The following NCAPG variants were observed in gnomAD, a reference collection of about 807,000 sequenced individuals.
NCAPG encodes non-SMC condensin I complex subunit G.
NCAPG carries 69 observed loss-of-function variants against 113.1 expected under a neutral mutation model. That is an observed-to-expected ratio of 0.61 (90% CI 0.50 to 0.75). NCAPG has a LOEUF of 0.75. Ranked by LOEUF, NCAPG falls within the 30% of genes least tolerant of loss-of-function variation. The pLI is 0.00. For synonymous variants in NCAPG, 370 were observed against 415.8 expected, an observed-to-expected ratio of 0.89 and a Z score of 1.34; for missense variants, 1,058 against 1,177.0, an observed-to-expected ratio of 0.90 and a Z score of 1.48.
In NCAPG at chr4:17,833,485, T is replaced by TTTTGTTG. The variant is rs1560230449; in HGVS notation, c.1885-812_1885-811insTGTTGTT. On this transcript the variant is annotated intron_variant, in intron 13 of 20. Coordinates refer to ENST00000251496, the MANE Select transcript of NCAPG (RefSeq NM_022346.5). ...AAAAAAAAAAATATATATATATATT[T>TTTTGTTG]TTGTTGTTGTTGTTGTTGTTGTTGT... Among the ~76,000 whole-genome samples, 669 of 148,412 alleles carry TTTTGTTG rather than the reference T, an allele frequency of 4.5e-3. 1 individual carries two copies. The highest frequency in any genetic ancestry group is 0.016 in the African/African-American group (628 of 39,404).
Position 17,817,968 on chromosome 4 carries a change from C to T in NCAPG, c.998C>T (p.Pro333Leu), listed in dbSNP as rs1211520344. The change falls in exon 7 of 21, where the codon CCT (proline) becomes CTT (leucine). Residue 333 changes from proline (P) to leucine (L), a missense_variant. Pro to Leu is a moderately conservative substitution (Grantham distance 98). Coordinates refer to ENST00000251496, the MANE Select transcript of NCAPG (RefSeq NM_022346.5). The stretch of plus-strand genomic sequence containing the variant: ...TTGATTCCAGTGGAAACATTAACTC[C>T]TGAAATTGCTTTGTATTGGTGTGCC... The part of the protein sequence containing the change: ...RKLIPVETLT[P>L]EIALYWCALC... The T allele has an allele frequency of 3.1e-6, 5 of 1,603,506 alleles. No homozygotes were observed. The Admixed American group carries it at 7.0e-5, about 22-fold the overall frequency.
chr4:17,840,472 G>A, intron 18 of NCAPG, 135 bp from the exon 19 acceptor site: 1 of 610,412 alleles, frequency 1.6e-6, no homozygotes, highest in Non-Finnish European at 2.5e-6. Flanking sequence ...TTTTCGAAAG[G>A]GTGATTTATA....
intron 3 of NCAPG, among the ~76,000 whole-genome samples, chr4:17,813,564 T>G (rs1367733662): frequency 6.6e-6 from 1 of 152,210 alleles, no homozygotes; most frequent in Non-Finnish European, 1.5e-5. Context: ...GTTTTTAATT[T>G]AAAATACTAT....
At chr4:17,825,674 A>G in intron 11 of NCAPG, 113 bp downstream of exon 11, 1 of 899,596 alleles carries the variant, frequency 1.1e-6, no homozygotes, top group Non-Finnish European at 1.6e-6. Flanking sequence ...AGCACTTTGT[A>G]ATAGTGACAT....
At position 17,810,993 on chromosome 4, in the gene NCAPG, C is replaced by A; in HGVS notation, c.-85C>A. The A allele has an allele frequency of 2.6e-6, 2 of 765,448 alleles. No individual in the cohort carries two copies. Among genetic ancestry groups the A allele is most frequent in the Non-Finnish European group, 4.0e-6 (2 of 498,578 alleles). 47.4% of individuals were successfully genotyped at this position (765,448 alleles called of 1,614,324 possible). On this transcript the variant is annotated 5_prime_UTR_variant, in exon 1 of 21. Transcript: ENST00000251496. ...TCCCTGGGGCTGTCATAGAAGACTA[C>A]TCGGAGAGCGCTGCCTCTGGGTTGG...
At chr4:17,812,527 T>C (rs935729821) in intron 2 of NCAPG, 103 bp downstream of exon 2, 8 of 829,492 alleles carry the variant, frequency 9.6e-6, no homozygotes, top group Non-Finnish European at 1.3e-5. Context: ...TATCTAGTGA[T>C]TGAAAAAACC....
chr4:17,815,941 C>G (rs960815545), intron 5 of NCAPG, among the ~76,000 whole-genome samples: 22 of 151,998 alleles, frequency 1.4e-4, no homozygotes, highest in African/African-American at 5.3e-4. Flanking sequence ...AGGAAAAGAT[C>G]TATTTGCCCT....
chr4:17,821,666 G>A (rs2109049692), intron 7 of NCAPG, among the ~76,000 whole-genome samples: 1 of 152,024 alleles, frequency 6.6e-6, no homozygotes, highest in South Asian at 2.1e-4. Flanking sequence ...GTTTTACCAT[G>A]TTGGTTAGGC....
At position 17,837,354 on chromosome 4, in the gene NCAPG, C is replaced by T; in HGVS notation, c.2291+14C>T. 6.3e-7 allele frequency: 1 copy of T among 1,586,622 alleles called. No individual in the cohort carries two copies. The highest frequency in any genetic ancestry group is 1.2e-5 in the South Asian group (1 of 86,776). On this transcript the variant is annotated intron_variant, in intron 15 of 20. Transcript: ENST00000251496. Reference sequence around the variant, plus strand: ...TTATGCAAGCAGGTATTGAGTCATACTGATAAATCAAAAATCTGACTTGAC... The same window carrying T: ...TTATGCAAGCAGGTATTGAGTCATATTGATAAATCAAAAATCTGACTTGAC...
rs199947877 is a variant in NCAPG at position 17,840,086 on chromosome 4, A to G, written c.2644A>G (p.Thr882Ala). 3.7e-5 allele frequency: 60 copies of G among 1,605,076 alleles called. 1 individual carries two copies. The highest frequency in any genetic ancestry group is 2.6e-4 in the Admixed American group (15 of 57,872). Residue 882 changes from threonine to alanine, a missense_variant, in exon 18 of 21, where the codon ACA becomes GCA. Physicochemically the swap from Thr to Ala is moderately conservative, Grantham distance 58. Transcript: ENST00000251496. ...NEILEQVKDR[T>A]CLRALEKIKI... is the part of the protein sequence containing the mutation. ...TCTTTTATAGCAAGTAAAAGATAGG[A>G]CATGTCTGAGAGCTTTGGAGAAAAT...
Position 17,843,289 on chromosome 4 carries a change from A to G in NCAPG, c.2925-13A>G. On this transcript the variant is annotated splice_polypyrimidine_tract_variant and intron_variant, in intron 20 of 20. Transcript: ENST00000251496. ...CTTGTATCTAAATTCGTGTATTTTC[A>G]ACATCTATTTAGTGATCATGAAGTT... 1 of 1,602,364 alleles carries G rather than the reference A, an allele frequency of 6.2e-7. No homozygotes were observed. Among genetic ancestry groups the G allele is most frequent in the Non-Finnish European group, 8.5e-7 (1 of 1,174,964 alleles).
chr4:17,829,650 G>A (rs1225464461), intron 12 of NCAPG, among the ~76,000 whole-genome samples: 2 of 152,132 alleles, frequency 1.3e-5, no homozygotes, highest in African/African-American at 4.8e-5. Context: ...ATTAGTAGAG[G>A]AATATAAAAG....
chr4:17,834,461 G>A lies in NCAPG; in HGVS notation c.2047G>A (p.Val683Ile). ...NSDDEQESKE[V>I]EETATAKNVL... is the part of the protein sequence containing the mutation. ...TGATGATGAGCAAGAATCAAAAGAA[G>A]TTGAAGAGACTGCTACAGCTAAGAA... Residue 683 changes from valine (V) to isoleucine (I), a missense_variant, in exon 14 of 21, where the codon GTT (valine) becomes ATT (isoleucine). Physicochemically the swap from Val to Ile is conservative, Grantham distance 29. Transcript: ENST00000251496. 1 of 1,610,428 alleles carries A rather than the reference G, an allele frequency of 6.2e-7. No homozygotes were observed. The highest frequency in any genetic ancestry group is 8.5e-7 in the Non-Finnish European group (1 of 1,178,200).
In NCAPG at chr4:17,811,155, G is replaced by T. The variant is rs1457775790; in HGVS notation, c.78G>T (p.Lys26Asn). The T allele has an allele frequency of 1.3e-6, 2 of 1,515,864 alleles. No homozygotes were observed. The highest frequency in any genetic ancestry group is 2.5e-5 in the South Asian group (2 of 80,852). The allele number at this position is 1,515,864 out of a possible 1,614,324, so 93.9% of individuals were successfully genotyped here. A position where few individuals can be genotyped will look rare whatever the true frequency, so the allele number is the denominator to read the frequency against. Residue 26 changes from lysine (K) to asparagine (N), a missense_variant, in exon 1 of 21, where the codon AAG becomes AAT. Coordinates refer to ENST00000251496, the MANE Select transcript of NCAPG (RefSeq NM_022346.5). This position sits in a 1 kb window ranked among gnomAD's most constrained non-coding sequence, Gnocchi z 5.3. ...AGCAGCCGCACCAGAACCAGGCGAAGCTGGTGGTGGCGCTGAGCCGCACCT... is the reference window on the plus strand; with the variant it reads ...AGCAGCCGCACCAGAACCAGGCGAATCTGGTGGTGGCGCTGAGCCGCACCT... ...LAQQPHQNQA[K>N]LVVALSRTYR...
Position 17,842,081 on chromosome 4 carries a change from T to A in NCAPG, c.2855-229T>A, listed in dbSNP as rs138213048. 1,752 of 415,680 alleles carry A rather than the reference T, an allele frequency of 4.2e-3. 13 individuals are homozygous for A. Among genetic ancestry groups the A allele is most frequent in the Non-Finnish European group, 5.5e-3 (1,238 of 225,796 alleles). The allele number at this position is 415,680 out of a possible 1,614,324, so 25.7% of individuals were successfully genotyped here. On this transcript the variant is annotated intron_variant, in intron 19 of 20. Coordinates refer to ENST00000251496, the MANE Select transcript of NCAPG (RefSeq NM_022346.5). The stretch of plus-strand genomic sequence containing the variant: ...TAACTTGCTTGAAATTTCCTTATTT[T>A]CCCTTACTCATTATTAGTGCTTACA...
Position 17,810,987 on chromosome 4 carries a change from AG to A in NCAPG, c.-90del. 1 of 664,964 alleles carries A rather than the reference AG, an allele frequency of 1.5e-6. No individual in the cohort carries two copies. Among genetic ancestry groups the A allele is most frequent in the Non-Finnish European group, 2.4e-6 (1 of 410,194 alleles). The allele number at this position is 664,964 out of a possible 1,614,324, so 41.2% of individuals were successfully genotyped here. A position where few individuals can be genotyped will look rare whatever the true frequency, so the allele number is the denominator to read the frequency against. On this transcript the variant is annotated 5_prime_UTR_variant, in exon 1 of 21. Coordinates refer to ENST00000251496, the MANE Select transcript of NCAPG (RefSeq NM_022346.5). ...AAATACTCCCTGGGGCTGTCATAGAAGACTACTCGGAGAGCGCTGCCTCTGG... is the reference window on the plus strand; with the variant it reads ...AAATACTCCCTGGGGCTGTCATAGAAACTACTCGGAGAGCGCTGCCTCTGG...
intron 11 of NCAPG, 22 bp downstream of exon 11, chr4:17,825,583 C>CTAAA: frequency 6.4e-7 from 1 of 1,556,716 alleles, no homozygotes; most frequent in Non-Finnish European, 8.6e-7. Flanking sequence ...TTTTTTCATA[C>CTAAA]TAAATCTCAG....
intron 14 of NCAPG, among the ~76,000 whole-genome samples, chr4:17,836,542 C>A (rs1037095487): frequency 3.9e-5 from 6 of 152,044 alleles, no homozygotes; most frequent in African/African-American, 1.4e-4. Context: ...TCCCTGTTTT[C>A]TTCTGAGAGT....
At chr4:17,834,891 A>G (rs1722031740) in intron 14 of NCAPG, among the ~76,000 whole-genome samples, 1 of 152,226 alleles carries the variant, frequency 6.6e-6, no homozygotes, top group Admixed American at 6.5e-5. Context: ...TATCATACCT[A>G]ATTTCTCACT....
Sources: gnomAD v4.1 joint callset for allele counts (sites outside exome capture counted in the v4.1 genomes callset) on GRCh38, gnomAD v4.1.1 for gene constraint, Gnocchi (gnomAD v3.1) non-coding constraint, MANE v1.5 for transcripts, NCBI Gene and HGNC (gene_info 2026-07-23, HGNC 2026-07-21) for gene names.